Variants in FRY observed in about 807,000 individuals in gnomAD.
The protein encoded by FRY is FRY microtubule binding protein.
FRY carries 128 observed loss-of-function variants against 348.4 expected under a neutral mutation model. The ratio of observed to expected loss-of-function variants is 0.37; its 90% CI spans 0.32 to 0.43. The LOEUF is 0.43. FRY is among the 20% of genes least tolerant of loss of function. The pLI is 1.00. For synonymous variants in FRY, 1,370 were observed against 1,374.7 expected, an observed-to-expected ratio of 1.00 and a Z score of 0.08; for missense variants, 2,736 against 3,695.2, an observed-to-expected ratio of 0.74 and a Z score of 6.73.
intron 46 of FRY, 107 bp from the exon 47 acceptor site, chr13:32,243,928 AAAAAAAT>A (rs1172845069): frequency 9.0e-6 from 11 of 1,217,400 alleles, no homozygotes; most frequent in Admixed American, 3.5e-5. Context: ...CCCATCTCCT[AAAAAAAT>A]AAAAAATAAA....
chr13:32,117,155 T>A (rs1878351580), intron 3 of FRY, among the ~76,000 whole-genome samples, 179 bp from the exon 4 acceptor site: 1 of 152,166 alleles, frequency 6.6e-6, no homozygotes, highest in Non-Finnish European at 1.5e-5. Context: ...ATGGGGAACA[T>A]TTGTCACCAT....
intron 1 of FRY, among the ~76,000 whole-genome samples, chr13:32,049,280 G>A (rs1055782690): frequency 8.5e-5 from 13 of 152,150 alleles, no homozygotes; most frequent in African/African-American, 3.1e-4. Context: ...GCAGGGAGTT[G>A]GGGAGGTGCC....
intron 1 of FRY, among the ~76,000 whole-genome samples, chr13:32,047,919 C>A (rs189373666): frequency 3.3e-5 from 5 of 152,002 alleles, no homozygotes; most frequent in Admixed American, 3.3e-4. Context: ...AAACCTGAAG[C>A]GTGAGCTTTT....
chr13:32,201,910 C>T (rs760358115), intron 29 of FRY, 31 bp from the exon 30 acceptor site: 111 of 1,191,108 alleles, frequency 9.3e-5, no homozygotes, highest in Non-Finnish European at 1.2e-4. Flanking sequence ...ATAAACCATG[C>T]TTTTTTTGTT....
chr13:32,270,495 C>T (rs1467458185), intron 55 of FRY, among the ~76,000 whole-genome samples: 1 of 152,232 alleles, frequency 6.6e-6, no homozygotes, highest in Non-Finnish European at 1.5e-5. Context: ...GCATGCGCCA[C>T]GGCGCCCGAC....
intron 17 of FRY, among the ~76,000 whole-genome samples, chr13:32,162,628 G>C (rs985843064): frequency 2.6e-5 from 4 of 152,128 alleles, no homozygotes; most frequent in African/African-American, 4.8e-5. Context: ...CACAAGAACA[G>C]TGCTGAATGT....
intron 3 of FRY, among the ~76,000 whole-genome samples, chr13:32,110,844 T>C (rs116976602): frequency 4.4e-4 from 67 of 152,370 alleles, no homozygotes; most frequent in Non-Finnish European, 7.3e-4. Flanking sequence ...TATTTTCTCT[T>C]TGCATAATAA....
At chr13:32,100,531 G>A (rs559265318) in intron 2 of FRY, among the ~76,000 whole-genome samples, 3 of 151,124 alleles carry the variant, frequency 2.0e-5, no homozygotes, top group South Asian at 4.2e-4. Context: ...TATTTATGGT[G>A]TTACAACATG....
chr13:32,251,743 A>G (rs1050222595), intron 49 of FRY, 135 bp from the exon 50 acceptor site: 10 of 688,578 alleles, frequency 1.5e-5, no homozygotes, highest in Non-Finnish European at 2.4e-5. Flanking sequence ...TTCTTTTTTC[A>G]TACTTTTGTG....
intron 11 of FRY, among the ~76,000 whole-genome samples, chr13:32,139,059 T>G (rs1879894553): frequency 6.6e-6 from 1 of 152,146 alleles, no homozygotes; most frequent in African/African-American, 2.4e-5. Context: ...TATAAAAATA[T>G]CCTTGATAAG....
At chr13:32,138,931 A>G (rs1397803709) in intron 11 of FRY, among the ~76,000 whole-genome samples, 2 of 152,240 alleles carry the variant, frequency 1.3e-5, no homozygotes, top group Non-Finnish European at 2.9e-5. Context: ...AGAGTTATAA[A>G]GGTCACATAC....
At chr13:32,277,239 A>T (rs1888577387) in intron 57 of FRY, among the ~76,000 whole-genome samples, 1 of 152,214 alleles carries the variant, frequency 6.6e-6, no homozygotes. Flanking sequence ...CTTCAGTTTA[A>T]ATCACAGCTC....
intron 41 of FRY, among the ~76,000 whole-genome samples, chr13:32,233,024 T>C (rs1401048621): frequency 6.6e-6 from 1 of 151,842 alleles, no homozygotes; most frequent in East Asian, 1.9e-4. Context: ...ATAGGTTAAG[T>C]AAACAAACCT....
intron 16 of FRY, among the ~76,000 whole-genome samples, chr13:32,158,144 AT>A (rs543184123): frequency 7.7e-4 from 116 of 151,528 alleles, no homozygotes; most frequent in African/African-American, 1.5e-3. Flanking sequence ...TGTGGTGTGC[AT>A]TTTTTTTTGT....
rs561569277 is a variant in FRY at position 32,215,785 on chromosome 13, G to T, written c.4683-2964G>T. On this transcript the variant is annotated intron_variant, in intron 35 of 60. Coordinates refer to ENST00000542859, the MANE Select transcript of FRY (RefSeq NM_023037.3). ...GAGTTTCACTATGTTGCCCAGGCTGGTCTCAAACTCCTGGGCTCAACTGAT... is the reference window on the plus strand; with the variant it reads ...GAGTTTCACTATGTTGCCCAGGCTGTTCTCAAACTCCTGGGCTCAACTGAT... Among the ~76,000 whole-genome samples the T allele has an allele frequency of 9.2e-5, 14 of 152,234 alleles. No homozygotes were observed. The South Asian group carries it at 2.9e-3, about 32-fold the overall frequency.
chr13:32,161,074 C>T lies in FRY; in HGVS notation c.1785-70C>T, dbSNP rs114117909. ...GCATGGATTCTAGTCTTTGTTCATGCACTTAATTCATTTTGTTTTTATTTT... is the reference window on the plus strand; with the variant it reads ...GCATGGATTCTAGTCTTTGTTCATGTACTTAATTCATTTTGTTTTTATTTT... On this transcript the variant is annotated intron_variant, in intron 16 of 60. Coordinates refer to ENST00000542859, the MANE Select transcript of FRY (RefSeq NM_023037.3). The T allele has an allele frequency of 1.6e-3, 1,542 of 971,532 alleles. 13 individuals carry two copies. In the African/African-American group the frequency reaches 0.022, roughly 14 times the overall value. The allele number at this position is 971,532 out of a possible 1,614,324, so 60.2% of individuals were successfully genotyped here. A position where few individuals can be genotyped will look rare whatever the true frequency, so the allele number is the denominator to read the frequency against.
At chr13:32,088,576 T>A (rs1876043190) in intron 2 of FRY, among the ~76,000 whole-genome samples, 1 of 152,188 alleles carries the variant, frequency 6.6e-6, no homozygotes, top group South Asian at 2.1e-4. Flanking sequence ...TTCTTTATCA[T>A]GAGTATGCTT....
At chr13:32,106,729 G>A (rs1230510755) in intron 3 of FRY, among the ~76,000 whole-genome samples, 6 of 152,082 alleles carry the variant, frequency 3.9e-5, no homozygotes, top group Non-Finnish European at 4.4e-5. Flanking sequence ...TTTTACTTTG[G>A]GTGACTATGT....
rs138366825 is a variant in FRY, at chr13:32,281,895, A to G, written c.8469+3347A>G. Among the ~76,000 whole-genome samples the G allele has an allele frequency of 1.0e-3, 153 of 152,340 alleles. 1 individual carries two copies. The highest frequency in any genetic ancestry group is 3.4e-3 in the African/African-American group (143 of 41,578). On this transcript the variant is annotated intron_variant, in intron 58 of 60. Transcript: ENST00000542859. ...CCTGGAAATAGTCTGGCCACTGTGC[A>G]TGCAGCTCAAACCTCACACTTTCTA... is the stretch of plus-strand genomic sequence containing the variant.
Sources: gnomAD v4.1 joint callset for allele counts (sites outside exome capture counted in the v4.1 genomes callset) on GRCh38, gnomAD v4.1.1 for gene constraint, MANE v1.5 for transcripts, NCBI Gene and HGNC (gene_info 2026-07-23, HGNC 2026-07-21) for gene names.